GPR39: variants seen among roughly 807,000 people sequenced by gnomAD.
The protein encoded by GPR39 is G protein-coupled receptor 39.
Under a neutral mutation model 18.4 loss-of-function variants are expected in GPR39, and 23 were observed. The observed-to-expected ratio is 1.25, with a 90% CI of 0.90 to 1.77. The LOEUF (loss-of-function observed/expected upper bound fraction) is 1.77. Ranked by LOEUF, GPR39 falls within the 40% of genes most tolerant of loss-of-function variation. The pLI, the probability that GPR39 is intolerant of heterozygous loss-of-function variation, is 0.00. For missense variants in GPR39, 647 were observed against 602.4 expected (o/e 1.07, Z -0.78); for synonymous variants, 280 against 257.9 (o/e 1.09, Z -0.82).
chr2:132,440,392 G>A (rs113027518), intron 1 of GPR39, among the ~76,000 whole-genome samples: 1 of 152,156 alleles, frequency 6.6e-6, no homozygotes, highest in Admixed American at 6.6e-5. Flanking sequence ...CCCTGGAGCT[G>A]GACTGCTGGG....
chr2:132,493,043 C>T (rs62645267), intron 1 of GPR39, among the ~76,000 whole-genome samples: 23 of 111,324 alleles, frequency 2.1e-4, no homozygotes, highest in African/African-American at 5.4e-4. Context: ...ATATATATAC[C>T]ATATATACCA....
chr2:132,543,742 G>A (rs751047453), intron 1 of GPR39, among the ~76,000 whole-genome samples: 7 of 152,174 alleles, frequency 4.6e-5, no homozygotes, highest in Non-Finnish European at 8.8e-5. Context: ...TTACTGAACT[G>A]AACTGGGGTC....
At chr2:132,492,316 A>G (rs913129508) in intron 1 of GPR39, among the ~76,000 whole-genome samples, 1 of 143,782 alleles carries the variant, frequency 7.0e-6, no homozygotes, top group African/African-American at 2.6e-5. Flanking sequence ...TATATACCAT[A>G]TATATACATA....
chr2:132,528,504 T>C (rs1679552814), intron 1 of GPR39, among the ~76,000 whole-genome samples: 1 of 152,224 alleles, frequency 6.6e-6, no homozygotes, highest in African/African-American at 2.4e-5. Context: ...GCATGGAATC[T>C]CTAAATTACT....
intron 1 of GPR39, among the ~76,000 whole-genome samples, chr2:132,594,098 A>G (rs192687974): frequency 1.8e-4 from 27 of 152,270 alleles, no homozygotes; most frequent in African/African-American, 6.5e-4. Context: ...TGACTTTACA[A>G]TGTGAACAAT....
chr2:132,595,001 T>C (rs1283475342), intron 1 of GPR39, among the ~76,000 whole-genome samples: 1 of 152,156 alleles, frequency 6.6e-6, no homozygotes, highest in African/African-American at 2.4e-5. Flanking sequence ...TTTGTTGTTG[T>C]TGTTTCCTTT....
intron 1 of GPR39, among the ~76,000 whole-genome samples, chr2:132,553,325 G>GTGTA (rs1012193620): frequency 4.0e-5 from 6 of 149,728 alleles, no homozygotes; most frequent in Non-Finnish European, 8.9e-5. Context: ...GTGTGTGTGT[G>GTGTA]TGTGTGTGTG....
chr2:132,418,801 TA>T (rs1469060915), intron 1 of GPR39, among the ~76,000 whole-genome samples: 2 of 152,226 alleles, frequency 1.3e-5, no homozygotes, highest in African/African-American at 4.8e-5. Context: ...TTTTAAAATA[TA>T]TTTTTTTAGC....
At chr2:132,577,860 C>A (rs1016736895) in intron 1 of GPR39, among the ~76,000 whole-genome samples, 1 of 151,968 alleles carries the variant, frequency 6.6e-6, no homozygotes, top group Admixed American at 6.6e-5. Flanking sequence ...AATCCGTATG[C>A]CTTTTATTTC....
At chr2:132,531,568 A>G (rs1208394631) in intron 1 of GPR39, among the ~76,000 whole-genome samples, 1 of 152,216 alleles carries the variant, frequency 6.6e-6, no homozygotes, top group East Asian at 1.9e-4. Context: ...TTAGCACCAC[A>G]CCTATTCCAA....
rs533528996 is a variant in GPR39 at position 132,544,132 on chromosome 2, A to G, written c.857-100969A>G. Among the ~76,000 whole-genome samples, 118 of 152,288 alleles carry G rather than the reference A, an allele frequency of 7.7e-4. 1 individual carries two copies. Among genetic ancestry groups the G allele is most frequent in the African/African-American group, 2.6e-3 (110 of 41,558 alleles). On this transcript the variant is annotated intron_variant, in intron 1 of 1. Transcript: ENST00000329321. ...TGGGGATTTCTAAAAACAACTCACA[A>G]CTTGAGAACATATGTTAAGATGTCA...
chr2:132,531,466 A>G (rs1425207330), intron 1 of GPR39, among the ~76,000 whole-genome samples: 1 of 152,212 alleles, frequency 6.6e-6, no homozygotes, highest in Non-Finnish European at 1.5e-5. Flanking sequence ...GTTAACAAGG[A>G]TATCCAGGAA....
At chr2:132,589,628 CTAGT>C (rs1680793954) in intron 1 of GPR39, among the ~76,000 whole-genome samples, 1 of 152,206 alleles carries the variant, frequency 6.6e-6, no homozygotes, top group African/African-American at 2.4e-5. Flanking sequence ...TTGGACACAG[CTAGT>C]TTATGGAGCC....
intron 1 of GPR39, among the ~76,000 whole-genome samples, chr2:132,522,714 T>C (rs1291823335): frequency 6.6e-6 from 1 of 152,162 alleles, no homozygotes; most frequent in Non-Finnish European, 1.5e-5. Context: ...CACAGCCTTC[T>C]TGTCTGAGTA....
intron 1 of GPR39, among the ~76,000 whole-genome samples, chr2:132,513,335 C>T (rs546013695): frequency 1.4e-3 from 207 of 152,166 alleles, no homozygotes; most frequent in African/African-American, 4.3e-3. Flanking sequence ...AGGTGGCGGG[C>T]GCCTGTAGTC....
chr2:132,532,685 T>G lies in GPR39; in HGVS notation c.857-112416T>G, dbSNP rs140792078. Among the ~76,000 whole-genome samples, 484 of 152,292 alleles carry G rather than the reference T, an allele frequency of 3.2e-3. 3 individuals carry two copies. Among genetic ancestry groups the G allele is most frequent in the African/African-American group, 0.011 (441 of 41,564 alleles). On this transcript the variant is annotated intron_variant, in intron 1 of 1. Transcript: ENST00000329321. ...CTTCATCCCTGGGATGCAAGGCTGT[T>G]TCAACATACGAAAATCAATAAACAT...
intron 1 of GPR39, among the ~76,000 whole-genome samples, chr2:132,643,783 G>A (rs1431643763): frequency 6.6e-6 from 1 of 152,192 alleles, no homozygotes; most frequent in Non-Finnish European, 1.5e-5. Context: ...GCCTCCCAGA[G>A]TATTGAGATA....
At chr2:132,531,080 C>A (rs1188768498) in intron 1 of GPR39, among the ~76,000 whole-genome samples, 4 of 152,082 alleles carry the variant, frequency 2.6e-5, no homozygotes, top group African/African-American at 9.7e-5. Context: ...AGAGTCAAGA[C>A]CCATCAGTGT....
chr2:132,509,315 T>G (rs1043499118), intron 1 of GPR39, among the ~76,000 whole-genome samples: 5 of 152,140 alleles, frequency 3.3e-5, no homozygotes, highest in African/African-American at 1.2e-4. Flanking sequence ...AATAGAGAGA[T>G]GCACAGAGCA....
Sources: gnomAD v4.1 joint callset for allele counts (sites outside exome capture counted in the v4.1 genomes callset) on GRCh38, gnomAD v4.1.1 for gene constraint, MANE v1.5 for transcripts, NCBI Gene and HGNC (gene_info 2026-07-23, HGNC 2026-07-21) for gene names.